Variants in RBFOX3 observed in about 807,000 individuals in gnomAD.
The protein encoded by RBFOX3 is RNA binding fox-1 homolog 3.
Under a neutral mutation model 48.7 loss-of-function variants are expected in RBFOX3, and 17 were observed. That is an observed-to-expected ratio of 0.35 (90% confidence interval 0.24 to 0.52). The LOEUF (loss-of-function observed/expected upper bound fraction) is 0.52. Ranked by LOEUF, RBFOX3 falls within the 20% of genes least tolerant of loss-of-function variation. The probability of loss-of-function intolerance (pLI) is 0.94; values close to 1 mark genes in which losing one functional copy is unlikely to be tolerated. For synonymous variants in RBFOX3, 212 were observed against 209.5 expected (o/e 1.01, Z -0.10); for missense variants, 382 against 497.5 (o/e 0.77, Z 2.21).
chr17:79,122,133 C>T (rs2035918649), intron 4 of RBFOX3, among the ~76,000 whole-genome samples: 3 of 152,110 alleles, frequency 2.0e-5, no homozygotes, highest in South Asian at 4.1e-4. Context: ...ACAAACAGTC[C>T]AGTAGCAAAC....
intron 2 of RBFOX3, among the ~76,000 whole-genome samples, chr17:79,383,408 G>C (rs994449166): frequency 1.3e-5 from 2 of 152,264 alleles, no homozygotes; most frequent in Non-Finnish European, 2.9e-5. Context: ...GTAGTTAACT[G>C]TATCTACCCT....
intron 4 of RBFOX3, among the ~76,000 whole-genome samples, chr17:79,145,627 C>T (rs1252796207): frequency 2.0e-5 from 3 of 152,356 alleles, no homozygotes; most frequent in South Asian, 2.1e-4. Context: ...GCACTGGCCC[C>T]GCATGTGGTG....
At chr17:79,458,695 G>C (rs949746309) in intron 2 of RBFOX3, among the ~76,000 whole-genome samples, 29 of 152,208 alleles carry the variant, frequency 1.9e-4, no homozygotes, top group African/African-American at 7.0e-4. Flanking sequence ...GGGGGCAGCA[G>C]CTGGGCAGTC....
the RBFOX3 span, among the ~76,000 whole-genome samples, chr17:79,626,442 A>C: frequency 6.6e-6 from 1 of 152,240 alleles, no homozygotes; most frequent in Non-Finnish European, 1.5e-5. Flanking sequence ...TCGCTTCTGC[A>C]GGGAAGGAAT....
intron 1 of RBFOX3, among the ~76,000 whole-genome samples, chr17:79,569,995 T>A (rs2092609494): frequency 9.6e-6 from 1 of 104,526 alleles, no homozygotes; most frequent in South Asian, 4.1e-4. Context: ...GATGGATGGA[T>A]GGATAGATGA....
intron 4 of RBFOX3, among the ~76,000 whole-genome samples, chr17:79,142,118 T>A (rs915042881): frequency 6.6e-6 from 1 of 152,236 alleles, no homozygotes; most frequent in Non-Finnish European, 1.5e-5. Context: ...ATATCGCAGC[T>A]TTTAACTGGA....
chr17:79,402,524 C>T (rs1388427427), intron 2 of RBFOX3, among the ~76,000 whole-genome samples: 1 of 152,194 alleles, frequency 6.6e-6, no homozygotes, highest in Non-Finnish European at 1.5e-5. Flanking sequence ...AGGGCTCCCG[C>T]TGGAGTGAGC....
In RBFOX3 at chr17:79,171,441, C is replaced by G. The variant is rs150623773; in HGVS notation, c.-33-55693G>C. Among the ~76,000 whole-genome samples, 1,171 of 152,272 alleles carry G rather than the reference C, an allele frequency of 7.7e-3. 14 individuals are homozygous for G. Among genetic ancestry groups the G allele is most frequent in the African/African-American group, 0.027 (1,121 of 41,538 alleles). ...CCATATGGTCTCTGCTGCAACTGCT[C>G]ATTTCTGCCGTCGCCAGGCAAAAGC... On this transcript the variant is annotated intron_variant, in intron 4 of 14. Transcript: ENST00000693108.
chr17:79,109,304 C>T (rs2078051714), intron 5 of RBFOX3, among the ~76,000 whole-genome samples: 1 of 152,208 alleles, frequency 6.6e-6, no homozygotes, highest in South Asian at 2.1e-4. Flanking sequence ...GTGGGCACAG[C>T]TGGCAGGGCC....
chr17:79,209,976 G>A (rs1373487928), intron 4 of RBFOX3, among the ~76,000 whole-genome samples: 4 of 134,154 alleles, frequency 3.0e-5, no homozygotes, highest in East Asian at 2.2e-4. Context: ...TAGCCTGGGC[G>A]ACAGAGCAAG....
chr17:79,134,358 TC>T (rs1470179449), intron 4 of RBFOX3, among the ~76,000 whole-genome samples: 1 of 152,248 alleles, frequency 6.6e-6, no homozygotes, highest in Admixed American at 6.5e-5. Context: ...CCCCTGATGA[TC>T]CCTTCTTTAA....
chr17:79,620,167 A>ACG, the RBFOX3 span, among the ~76,000 whole-genome samples: 1 of 131,884 alleles, frequency 7.6e-6, no homozygotes, highest in East Asian at 3.9e-4. Context: ...GCGGACATGC[A>ACG]CACACATGCA....
intron 3 of RBFOX3, among the ~76,000 whole-genome samples, chr17:79,240,493 G>A (rs1277146292): frequency 6.6e-6 from 1 of 152,152 alleles, no homozygotes; most frequent in Admixed American, 6.5e-5. Flanking sequence ...CAATTTCTTA[G>A]CAGTGGCCAT....
At chr17:79,367,125 T>G (rs2057881455) in intron 2 of RBFOX3, among the ~76,000 whole-genome samples, 1 of 151,958 alleles carries the variant, frequency 6.6e-6, no homozygotes, top group South Asian at 2.1e-4. Flanking sequence ...ACCCCAGGCC[T>G]GCATGTCACC....
At chr17:79,611,130 T>TTCTCTCTCTCTCTCCCTCTCTCTC (rs2093961175), upstream of RBFOX3, among the ~76,000 whole-genome samples, 2 of 37,846 alleles carry the variant, frequency 5.3e-5, no homozygotes, top group Non-Finnish European at 8.5e-5. Context: ...TCCGCCCTCC[T>TTCTCTCTCTCTCTCCCTCTCTCTC]TCTCTCTCTC....
chr17:79,483,483 G>A (rs1398232006), intron 1 of RBFOX3, among the ~76,000 whole-genome samples: 1 of 1,058 alleles, frequency 9.5e-4, no homozygotes, highest in Non-Finnish European at 1.7e-3. Context: ...TACCTGCCTC[G>A]GAGCTGTGCA....
chr17:79,092,289 C>T (rs1301467633), intron 14 of RBFOX3: 6 of 985,502 alleles, frequency 6.1e-6, no homozygotes, highest in Admixed American at 1.2e-4. Context: ...CTGGACCCCA[C>T]GGTGTGCACA....
Position 79,179,099 on chromosome 17 carries a change from C to G in RBFOX3, c.-34+56667G>C, listed in dbSNP as rs114222497. Among the ~76,000 whole-genome samples, 524 of 152,290 alleles carry G rather than the reference C, an allele frequency of 3.4e-3. 4 individuals carry two copies. The highest frequency in any genetic ancestry group is 0.011 in the African/African-American group (457 of 41,556). On this transcript the variant is annotated intron_variant, in intron 4 of 14. Transcript: ENST00000693108. Reference sequence around the variant, plus strand: ...AACAGCCCAGGGAACAGAGACTAAACGCAAGGTGCAAGGGGTGGTGCTACG... The same window carrying G: ...AACAGCCCAGGGAACAGAGACTAAAGGCAAGGTGCAAGGGGTGGTGCTACG...
At chr17:79,241,582 C>T (rs796405567) in intron 3 of RBFOX3, among the ~76,000 whole-genome samples, 20 of 152,114 alleles carry the variant, frequency 1.3e-4, no homozygotes, top group Non-Finnish European at 2.8e-4. Context: ...ACTGTGACCA[C>T]GTGGAACTGT....
Sources: allele counts gnomAD v4.1 joint callset (sites outside exome capture counted in the v4.1 genomes callset), GRCh38; gene constraint gnomAD v4.1.1; transcripts MANE v1.5; gene names NCBI Gene and HGNC (gene_info 2026-07-23, HGNC 2026-07-21).